The following PPM1E variants were observed in gnomAD, a reference collection of about 807,000 sequenced individuals.
PPM1E encodes the protein protein phosphatase, Mg2+/Mn2+ dependent 1E.
A neutral mutation model predicts 65.9 loss-of-function variants in PPM1E; 20 were observed. The ratio of observed to expected loss-of-function variants is 0.30; its 90% CI spans 0.21 to 0.44. The LOEUF is 0.44. PPM1E is among the 20% of genes least tolerant of loss of function. The pLI is 1.00. For missense variants in PPM1E, 713 were observed against 953.1 expected, an observed-to-expected ratio of 0.75 and a Z score of 3.32; for synonymous variants, 352 against 374.9, an observed-to-expected ratio of 0.94 and a Z score of 0.70.
At chr17:58,868,711 A>G (rs934692758) in intron 1 of PPM1E, among the ~76,000 whole-genome samples, 1 of 151,676 alleles carries the variant, frequency 6.6e-6, no homozygotes, top group African/African-American at 2.4e-5. Context: ...TCCCTGTTTA[A>G]CTTCTCTTTC....
chr17:58,939,362 GAACA>G (rs1194155546), intron 1 of PPM1E, among the ~76,000 whole-genome samples: 1 of 152,174 alleles, frequency 6.6e-6, no homozygotes, highest in African/African-American at 2.4e-5. Flanking sequence ...CTGCAGGAAA[GAACA>G]GTCAGAACAT....
At chr17:58,789,745 TA>T (rs1321456105) in intron 1 of PPM1E, among the ~76,000 whole-genome samples, 35 of 145,384 alleles carry the variant, frequency 2.4e-4, no homozygotes, top group African/African-American at 7.1e-4. Flanking sequence ...GTCATTTATA[TA>T]TATATATATA....
At chr17:58,977,971 G>A (rs542883899) in intron 6 of PPM1E, among the ~76,000 whole-genome samples, 2 of 152,176 alleles carry the variant, frequency 1.3e-5, no homozygotes, top group Non-Finnish European at 2.9e-5. Flanking sequence ...TCGTACTCCC[G>A]ACCTCAAGTA....
At chr17:58,845,288 G>GGTCATGGT (rs898592562) in intron 1 of PPM1E, among the ~76,000 whole-genome samples, 4 of 150,512 alleles carry the variant, frequency 2.7e-5, no homozygotes, top group African/African-American at 9.8e-5. Context: ...TCTGTTCATG[G>GGTCATGGT]GTCATGGTTG....
intron 1 of PPM1E, among the ~76,000 whole-genome samples, chr17:58,909,720 T>A (rs1055662308): frequency 6.6e-5 from 10 of 152,152 alleles, no homozygotes; most frequent in Non-Finnish European, 1.5e-4. Context: ...TTCTGGCTTC[T>A]TTCAAGATTT....
intron 1 of PPM1E, among the ~76,000 whole-genome samples, chr17:58,932,261 G>A (rs2051910502): frequency 6.6e-6 from 1 of 152,090 alleles, no homozygotes; most frequent in Non-Finnish European, 1.5e-5. Flanking sequence ...TTGAGGTCAG[G>A]AGTTCGAGAC....
intron 1 of PPM1E, among the ~76,000 whole-genome samples, chr17:58,938,862 C>T (rs1459055029): frequency 6.9e-6 from 1 of 144,822 alleles, no homozygotes; most frequent in Non-Finnish European, 1.5e-5. Context: ...GATCTTGACT[C>T]ACTGCAACCT....
chr17:58,878,834 G>A (rs1205623861), intron 1 of PPM1E, among the ~76,000 whole-genome samples: 1 of 151,292 alleles, frequency 6.6e-6, no homozygotes, highest in African/African-American at 2.4e-5. Context: ...TCAGGAGGCT[G>A]AGGCAGGAGA....
intron 1 of PPM1E, among the ~76,000 whole-genome samples, chr17:58,758,004 TTAAAA>T (rs2049785409): frequency 6.6e-6 from 1 of 152,192 alleles, no homozygotes; most frequent in Admixed American, 6.5e-5. Flanking sequence ...AGCTCCCTGC[TTAAAA>T]TAAAATGGAA....
chr17:58,843,011 G>C (rs888338432), intron 1 of PPM1E, among the ~76,000 whole-genome samples: 1 of 151,938 alleles, frequency 6.6e-6, no homozygotes, highest in Non-Finnish European at 1.5e-5. Flanking sequence ...CAGGCCGGGC[G>C]CTGGGTGGCT....
At chr17:58,885,735 T>A (rs1280945543) in intron 1 of PPM1E, among the ~76,000 whole-genome samples, 1 of 152,202 alleles carries the variant, frequency 6.6e-6, no homozygotes, top group Non-Finnish European at 1.5e-5. Context: ...ATTTGTTTTC[T>A]ATCTATCTGT....
chr17:58,937,879 C>CA (rs1226139023), intron 1 of PPM1E, among the ~76,000 whole-genome samples: 85 of 82,848 alleles, frequency 1.0e-3, no homozygotes, highest in East Asian at 3.3e-3. Context: ...GACTCCATCT[C>CA]AAAAAAAAAA....
chr17:58,921,606 G>A (rs1184634199), intron 1 of PPM1E, among the ~76,000 whole-genome samples: 1 of 151,642 alleles, frequency 6.6e-6, no homozygotes, highest in African/African-American at 2.4e-5. Context: ...TGAGGCTGCA[G>A]TGAGCCGTGA....
intron 1 of PPM1E, among the ~76,000 whole-genome samples, chr17:58,757,514 A>AC (rs1464357827): frequency 6.6e-6 from 1 of 152,230 alleles, no homozygotes; most frequent in Non-Finnish European, 1.5e-5. Flanking sequence ...TTCAGCTGAT[A>AC]GTTGTAATGA....
chr17:58,963,416 C>T (rs1455764266), intron 2 of PPM1E, among the ~76,000 whole-genome samples: 8 of 136,556 alleles, frequency 5.9e-5, no homozygotes, highest in Non-Finnish European at 1.3e-4. Context: ...TGGCCGGGCA[C>T]AGTGGCTCAC....
chr17:58,958,814 C>T (rs577650119), intron 2 of PPM1E, among the ~76,000 whole-genome samples: 1 of 151,850 alleles, frequency 6.6e-6, no homozygotes, highest in African/African-American at 2.4e-5. Context: ...TGAGCAGAGT[C>T]TCGCTCTTCC....
At chr17:58,785,545 A>G (rs2050092351) in intron 1 of PPM1E, 1 of 145,160 alleles carries the variant, frequency 6.9e-6, no homozygotes, top group Non-Finnish European at 1.5e-5. Context: ...CCTGGCCTCT[A>G]GTGATTTTCC....
chr17:58,904,662 A>T (rs915518763), intron 1 of PPM1E, among the ~76,000 whole-genome samples: 5 of 152,140 alleles, frequency 3.3e-5, no homozygotes, highest in African/African-American at 1.2e-4. Flanking sequence ...CCATTAATTT[A>T]GTTCTTTGAT....
chr17:58,837,538 C>T (rs2050675761), intron 1 of PPM1E, among the ~76,000 whole-genome samples: 1 of 148,686 alleles, frequency 6.7e-6, no homozygotes, highest in Admixed American at 6.8e-5. Flanking sequence ...CACACAGTCA[C>T]CTAGACTAGA....
Sources: gnomAD v4.1 joint callset for allele counts (sites outside exome capture counted in the v4.1 genomes callset) on GRCh38, gnomAD v4.1.1 for gene constraint, MANE v1.5 for transcripts, NCBI Gene and HGNC (gene_info 2026-07-23, HGNC 2026-07-21) for gene names.